TOM1L1: variants seen among roughly 807,000 people sequenced by gnomAD.
The protein encoded by TOM1L1 is TOM1-like protein 1.
A neutral mutation model predicts 63.4 loss-of-function variants in TOM1L1; 64 were observed. The observed-to-expected ratio is 1.01, with a 90% CI of 0.83 to 1.24. The LOEUF (loss-of-function observed/expected upper bound fraction) is 1.24, where lower values mean the gene tolerates loss of function less well. Among genes scored for constraint, TOM1L1 ranks in the 50% most tolerant of loss-of-function variants. The pLI, the probability that TOM1L1 is intolerant of heterozygous loss-of-function variation, is 0.00. For missense variants in TOM1L1, 536 were observed against 567.0 expected, an observed-to-expected ratio of 0.95 and a Z score of 0.55; for synonymous variants, 166 against 194.4, an observed-to-expected ratio of 0.85 and a Z score of 1.22.
Position 54,936,669 on chromosome 17 carries a change from G to A in TOM1L1, c.875G>A (p.Arg292Lys). 6.2e-7 allele frequency: 1 copy of A among 1,606,804 alleles called. No individual in the cohort carries two copies. Among genetic ancestry groups the A allele is most frequent in the Non-Finnish European group, 8.5e-7 (1 of 1,177,966 alleles). Reference protein sequence around the residue: ...GYERFTRNQQRILEQNKNQKE... With the variant: ...GYERFTRNQQKILEQNKNQKE... ...AACAGGTTTACTAGAAACCAACAAA[G>A]GATTTTGGAGCAAAATAAGAACCAG... Residue 292 changes from arginine to lysine, a missense_variant, in exon 9 of 16, where the codon AGG (arginine) becomes AAG (lysine). By Grantham distance (26) the Arg-to-Lys change is conservative (BLOSUM62 2). Coordinates refer to ENST00000575882, the MANE Select transcript of TOM1L1 (RefSeq NM_005486.3).
At chr17:54,917,880 AT>A (rs1173357056) in intron 7 of TOM1L1, among the ~76,000 whole-genome samples, 2 of 151,994 alleles carry the variant, frequency 1.3e-5, no homozygotes, top group African/African-American at 2.4e-5. Flanking sequence ...TGTATTCTCT[AT>A]TTTTTTCCTG....
intron 1 of TOM1L1, among the ~76,000 whole-genome samples, chr17:54,902,521 C>T (rs2048343751): frequency 6.6e-6 from 1 of 152,162 alleles, no homozygotes. Context: ...ACCTCCTGAC[C>T]TCAGGTGATC....
chr17:54,925,343 C>T (rs1949592468), intron 7 of TOM1L1, among the ~76,000 whole-genome samples: 1 of 152,138 alleles, frequency 6.6e-6, no homozygotes, highest in African/African-American at 2.4e-5. Flanking sequence ...ATATCCAGAC[C>T]TCATTCTCCT....
At chr17:54,958,850 G>C (rs1449603977) in intron 14 of TOM1L1, among the ~76,000 whole-genome samples, 1 of 150,808 alleles carries the variant, frequency 6.6e-6, no homozygotes, top group African/African-American at 2.4e-5. Flanking sequence ...AGATGCTGGA[G>C]AATCTGTGAA....
intron 14 of TOM1L1, 26 bp from the exon 15 acceptor site, chr17:54,960,540 C>G (rs2077093452): frequency 1.2e-6 from 2 of 1,600,906 alleles, no homozygotes; most frequent in Admixed American, 1.7e-5. Context: ...ATACATAACC[C>G]TTTTGCTGTG....
At chr17:54,905,601 G>T in intron 3 of TOM1L1, 34 bp downstream of exon 3, 2 of 1,318,478 alleles carry the variant, frequency 1.5e-6, no homozygotes, top group Non-Finnish European at 2.2e-6. Context: ...AAGACTCGAG[G>T]ATTTCTCAAG....
chr17:54,947,721 C>G (rs2049143234), intron 12 of TOM1L1, among the ~76,000 whole-genome samples: 1 of 152,184 alleles, frequency 6.6e-6, no homozygotes, highest in Admixed American at 6.5e-5. Flanking sequence ...CATTTCTTCT[C>G]CATCTCTTTT....
Position 54,937,139 on chromosome 17 carries a change from G to A in TOM1L1, c.946G>A (p.Asp316Asn). Residue 316 changes from aspartate to asparagine, a missense_variant, in exon 10 of 16, where the codon GAT becomes AAT. Transcript: ENST00000575882. The stretch of plus-strand genomic sequence containing the variant: ...CAGTGAGCCTTCTGCCCCATCTCAA[G>A]ATCTCCTCGACCTAAGTCCCAGTCC... ...TTSEPSAPSQ[D>N]LLDLSPSPRM... The A allele has an allele frequency of 6.2e-7, 1 of 1,611,018 alleles. No individual in the cohort carries two copies. The highest frequency in any genetic ancestry group is 8.5e-7 in the Non-Finnish European group (1 of 1,179,148).
intron 9 of TOM1L1, 112 bp from the exon 10 acceptor site, chr17:54,936,997 T>C: frequency 2.2e-6 from 2 of 917,370 alleles, no homozygotes; most frequent in East Asian, 4.8e-5. Flanking sequence ...AGTGGAGAAT[T>C]CTTCCTTAAA....
At chr17:54,903,661 A>G in intron 1 of TOM1L1, 47 bp from the exon 2 acceptor site, 1 of 1,535,118 alleles carries the variant, frequency 6.5e-7, no homozygotes, top group Non-Finnish European at 9.0e-7. Context: ...AATACCAGAC[A>G]TTTTTTATTC....
Position 54,949,617 on chromosome 17 carries a change from C to G in TOM1L1, c.1282C>G (p.His428Asp). ...NQSLPPLPSN[H>D]PAMTKSDLQP... ...GAGTCTGCCACCTTTGCCCAGCAATCATCCAGGTACATGGGACCTTATTAT... is the reference window on the plus strand; with the variant it reads ...GAGTCTGCCACCTTTGCCCAGCAATGATCCAGGTACATGGGACCTTATTAT... Residue 428 changes from histidine (H) to aspartate (D), a missense_variant, in exon 13 of 16, where the codon CAT (histidine) becomes GAT (aspartate). By Grantham distance (81) the His-to-Asp change is moderately conservative. Coordinates refer to ENST00000575882, the MANE Select transcript of TOM1L1 (RefSeq NM_005486.3). 6.2e-7 allele frequency: 1 copy of G among 1,611,166 alleles called. No individual in the cohort carries two copies. The highest frequency in any genetic ancestry group is 8.5e-7 in the Non-Finnish European group (1 of 1,177,354).
chr17:54,943,698 G>A (rs907423030), intron 11 of TOM1L1, among the ~76,000 whole-genome samples: 2 of 151,972 alleles, frequency 1.3e-5, no homozygotes, highest in African/African-American at 2.4e-5. Context: ...AAAAACCTGG[G>A]CCGGGCGCAG....
At chr17:54,946,882 G>A (rs911552824) in intron 11 of TOM1L1, among the ~76,000 whole-genome samples, 1 of 152,186 alleles carries the variant, frequency 6.6e-6, no homozygotes, top group Non-Finnish European at 1.5e-5. Context: ...GTGACATTCA[G>A]TGGAGAGACA....
rs574825507 is a variant in TOM1L1, at chr17:54,928,806, A to C, written c.721-1267A>C. Among the ~76,000 whole-genome samples, 15 of 150,534 alleles carry C rather than the reference A, an allele frequency of 1.0e-4. No individual in the cohort carries two copies. The South Asian group carries it at 3.1e-3, about 32-fold the overall frequency. On this transcript the variant is annotated intron_variant, in intron 7 of 15. Transcript: ENST00000575882. ...AATCAGAAAGTCTATCATCTGTCTG[A>C]CTCACCTTTTTTTTTCTCTTTATGT...
intron 3 of TOM1L1, 51 bp from the exon 4 acceptor site, chr17:54,912,615 G>A (rs2048514284): frequency 7.0e-7 from 1 of 1,423,066 alleles, no homozygotes; most frequent in South Asian, 1.6e-5. Context: ...TACATTTTTA[G>A]GAGGTGGTTT....
At chr17:54,925,919 C>CAACAAA (rs750527852) in intron 7 of TOM1L1, among the ~76,000 whole-genome samples, 33 of 149,570 alleles carry the variant, frequency 2.2e-4, no homozygotes, top group Admixed American at 7.4e-4. Context: ...AAAACAACAA[C>CAACAAA]AAAAAAAAAA....
intron 14 of TOM1L1, chr17:54,957,140 C>G (rs949449056): frequency 5.9e-5 from 9 of 152,216 alleles, no homozygotes; most frequent in African/African-American, 1.9e-4. Context: ...GGAGACCCCT[C>G]CTATCTGCTT....
At chr17:54,917,611 G>A (rs1281419762) in intron 7 of TOM1L1, among the ~76,000 whole-genome samples, 2 of 151,496 alleles carry the variant, frequency 1.3e-5, no homozygotes, top group African/African-American at 2.4e-5. Flanking sequence ...TTTTTTGTTT[G>A]TTCTGTGGAC....
intron 6 of TOM1L1, 79 bp downstream of exon 6, chr17:54,914,822 G>A: frequency 1.7e-6 from 2 of 1,163,614 alleles, no homozygotes; most frequent in Admixed American, 1.7e-5. Flanking sequence ...GTCTTTTCTG[G>A]TTAACAACAT....
Sources: allele counts gnomAD v4.1 joint callset (sites outside exome capture counted in the v4.1 genomes callset), GRCh38; gene constraint gnomAD v4.1.1; transcripts MANE v1.5; gene names NCBI Gene and HGNC (gene_info 2026-07-23, HGNC 2026-07-21).